CNTNAP2: variants seen among roughly 807,000 people sequenced by gnomAD.
CNTNAP2 encodes the protein contactin-associated protein-like 2.
CNTNAP2 carries 98 observed loss-of-function variants against 155.2 expected under a neutral mutation model. The ratio of observed to expected loss-of-function variants is 0.63; its 90% CI spans 0.54 to 0.75. The LOEUF (loss-of-function observed/expected upper bound fraction) is 0.75, where lower values mean the gene tolerates loss of function less well. Ranked by LOEUF, CNTNAP2 falls within the 30% of genes least tolerant of loss-of-function variation. CNTNAP2 has a pLI of 0.00. For missense variants in CNTNAP2, 1,727 were observed against 1,688.1 expected, an observed-to-expected ratio of 1.02 and a Z score of -0.40; for synonymous variants, 651 against 631.2, an observed-to-expected ratio of 1.03 and a Z score of -0.47.
At chr7:147,047,096 G>T (rs1799377257) in intron 4 of CNTNAP2, among the ~76,000 whole-genome samples, 1 of 139,020 alleles carries the variant, frequency 7.2e-6, no homozygotes. Flanking sequence ...TTTTAGTTAA[G>T]TTATGTTTCT....
intron 2 of CNTNAP2, among the ~76,000 whole-genome samples, chr7:146,806,315 A>G (rs1802965838): frequency 6.6e-6 from 1 of 151,328 alleles, no homozygotes. Context: ...ACATTGTGAA[A>G]CCCTGTCTCT....
At chr7:146,738,464 T>C (rs1225581447) in intron 1 of CNTNAP2, among the ~76,000 whole-genome samples, 1 of 152,068 alleles carries the variant, frequency 6.6e-6, no homozygotes, top group Non-Finnish European at 1.5e-5. Flanking sequence ...CAGTAGATTT[T>C]CTCTTCGTTT....
chr7:147,753,346 AC>A (rs1209998217), intron 13 of CNTNAP2, among the ~76,000 whole-genome samples: 1 of 152,064 alleles, frequency 6.6e-6, no homozygotes, highest in Non-Finnish European at 1.5e-5. Context: ...TGTGTGAAAT[AC>A]TCTCTTTCTG....
intron 14 of CNTNAP2, among the ~76,000 whole-genome samples, chr7:147,911,993 T>A (rs934848697): frequency 1.3e-5 from 2 of 152,222 alleles, no homozygotes; most frequent in African/African-American, 2.4e-5. Context: ...TCTCTTATTT[T>A]AATTTTATAT....
intron 1 of CNTNAP2, among the ~76,000 whole-genome samples, chr7:146,627,274 A>T (rs1799435461): frequency 6.6e-6 from 1 of 152,152 alleles, no homozygotes; most frequent in African/African-American, 2.4e-5. Context: ...GAATTGTGGG[A>T]GTTAAAATTC....
intron 13 of CNTNAP2, among the ~76,000 whole-genome samples, chr7:147,895,844 ATT>A: frequency 1.3e-5 from 2 of 152,376 alleles, no homozygotes; most frequent in East Asian, 3.9e-4. Flanking sequence ...TTAATAATTT[ATT>A]TTAGTTACAG....
Position 148,222,495 on chromosome 7 carries a change from T to TATGAATGGATCATTCCATGAATCA in CNTNAP2, c.3247+4994_3247+4995insAATGAATGGATCATTCCATGAATC, listed in dbSNP as rs1330724345. Among the ~76,000 whole-genome samples the TATGAATGGATCATTCCATGAATCA allele has an allele frequency of 5.3e-3, 414 of 78,298 alleles. 3 individuals carry two copies. Among genetic ancestry groups the TATGAATGGATCATTCCATGAATCA allele is most frequent in the Non-Finnish European group, 7.6e-4 (26 of 34,252 alleles). The allele number at this position is 78,298 out of a possible 152,430, so 51.4% of individuals were successfully genotyped here. The stretch of plus-strand genomic sequence containing the variant: ...CCATTAACCCATTAATCCATGAATC[T>TATGAATGGATCATTCCATGAATCA]ATGAATGGATCATTCCATGAATCGA... On this transcript the variant is annotated intron_variant, in intron 19 of 23. Transcript: ENST00000361727.
intron 15 of CNTNAP2, among the ~76,000 whole-genome samples, chr7:148,075,020 T>A (rs983856600): frequency 7.9e-5 from 12 of 152,246 alleles, no homozygotes; most frequent in African/African-American, 2.9e-4. Flanking sequence ...TTCTATAGAA[T>A]GCTGAGTTAT....
rs778119516 is a variant in CNTNAP2 at position 147,568,643 on chromosome 7, CTT to C, written c.1897+6389_1897+6390del. Among the ~76,000 whole-genome samples, 4 of 152,204 alleles carry C rather than the reference CTT, an allele frequency of 2.6e-5. No homozygotes were observed. The East Asian group carries it at 7.7e-4, about 29-fold the overall frequency. ...TCCCTCTGAAAATTTGGTGTTAAAA[CTT>C]TTGTGAATATAAACTATCTTATATT... On this transcript the variant is annotated intron_variant, in intron 12 of 23. Coordinates refer to ENST00000361727, the MANE Select transcript of CNTNAP2 (RefSeq NM_014141.6).
intron 12 of CNTNAP2, among the ~76,000 whole-genome samples, chr7:147,567,509 T>G (rs1800196546): frequency 6.6e-6 from 1 of 152,126 alleles, no homozygotes; most frequent in African/African-American, 2.4e-5. Context: ...GCCCCCGTAG[T>G]AATGCAGAGG....
intron 6 of CNTNAP2, among the ~76,000 whole-genome samples, chr7:147,123,412 G>A (rs1039307632): frequency 6.6e-6 from 1 of 152,210 alleles, no homozygotes; most frequent in East Asian, 1.9e-4. Context: ...CGAAGTCTAT[G>A]ACTATTCACG....
At chr7:147,396,271 G>T (rs1426318378) in intron 10 of CNTNAP2, among the ~76,000 whole-genome samples, 3 of 151,186 alleles carry the variant, frequency 2.0e-5, no homozygotes, top group Non-Finnish European at 4.4e-5. Context: ...TCAATAAGTA[G>T]TTTTGCAAGC....
At chr7:146,822,775 A>G (rs1486935966) in intron 2 of CNTNAP2, among the ~76,000 whole-genome samples, 1 of 148,084 alleles carries the variant, frequency 6.8e-6, no homozygotes, top group African/African-American at 2.5e-5. Context: ...TTATAAATAT[A>G]CTCATTCTTC....
intron 15 of CNTNAP2, chr7:148,056,418 T>C (rs1476387178): frequency 6.6e-6 from 1 of 152,242 alleles, no homozygotes; most frequent in African/African-American, 2.4e-5. Flanking sequence ...GCATGTCTCT[T>C]AGATCATAGC....
chr7:147,778,042 C>G (rs1797611621), intron 13 of CNTNAP2, among the ~76,000 whole-genome samples: 2 of 151,462 alleles, frequency 1.3e-5, no homozygotes, highest in Admixed American at 1.3e-4. Flanking sequence ...AACTTTTTAC[C>G]ATTTGATGAG....
chr7:148,330,580 TGGATGGAGTGGACGGATGAAGTGGAC>T (rs1797975108), intron 21 of CNTNAP2, among the ~76,000 whole-genome samples: 1 of 133,656 alleles, frequency 7.5e-6, no homozygotes, highest in Non-Finnish European at 1.6e-5. Context: ...ATGGAGTGGA[TGGATGGAGTGGACGGATGAAGTGGAC>T]GGATGGAATG....
At chr7:146,793,591 G>A (rs1802711543) in intron 2 of CNTNAP2, among the ~76,000 whole-genome samples, 1 of 152,200 alleles carries the variant, frequency 6.6e-6, no homozygotes, top group South Asian at 2.1e-4. Flanking sequence ...CATTTTATCA[G>A]GAAAAGCAAG....
At chr7:146,792,582 C>T (rs1209127385) in intron 2 of CNTNAP2, among the ~76,000 whole-genome samples, 2 of 152,152 alleles carry the variant, frequency 1.3e-5, no homozygotes, top group African/African-American at 4.8e-5. Flanking sequence ...GGTATCCAGG[C>T]ATTTAATAAG....
At chr7:147,040,492 G>T (rs904446674) in intron 3 of CNTNAP2, among the ~76,000 whole-genome samples, 1 of 133,934 alleles carries the variant, frequency 7.5e-6, no homozygotes. Context: ...ACAGAGTCTG[G>T]CTCTGTCACC....
Sources: allele counts gnomAD v4.1 joint callset (sites outside exome capture counted in the v4.1 genomes callset), GRCh38; gene constraint gnomAD v4.1.1; transcripts MANE v1.5; gene names NCBI Gene and HGNC (gene_info 2026-07-23, HGNC 2026-07-21).